The following CSMD1 variants were observed in gnomAD, a reference collection of about 807,000 sequenced individuals.
The protein encoded by CSMD1 is CUB and sushi domain-containing protein 1.
A neutral mutation model predicts 417.5 loss-of-function variants in CSMD1; 213 were observed. The observed-to-expected ratio is 0.51, with a 90% CI of 0.46 to 0.57. CSMD1 has a LOEUF of 0.57. Ranked by LOEUF, CSMD1 falls within the 20% of genes least tolerant of loss-of-function variation. The pLI is 0.00. For synonymous variants in CSMD1, 2,862 were observed against 1,736.8 expected, an observed-to-expected ratio of 1.65 and a Z score of -16.11; for missense variants, 6,923 against 4,529.7, an observed-to-expected ratio of 1.53 and a Z score of -15.17.
chr8:3,665,452 C>T (rs1798637641), intron 7 of CSMD1, among the ~76,000 whole-genome samples: 1 of 152,098 alleles, frequency 6.6e-6, no homozygotes, highest in African/African-American at 2.4e-5. Context: ...TTGCTTGAAC[C>T]CGGGAGACGG....
intron 3 of CSMD1, among the ~76,000 whole-genome samples, chr8:4,205,655 C>G (rs542144165): frequency 4.2e-4 from 64 of 152,266 alleles, no homozygotes; most frequent in African/African-American, 1.4e-3. Flanking sequence ...CTCATTGTAA[C>G]GGCTGTTGTG....
At chr8:4,322,215 G>C (rs1203124870) in intron 3 of CSMD1, among the ~76,000 whole-genome samples, 3 of 152,048 alleles carry the variant, frequency 2.0e-5, no homozygotes, top group African/African-American at 4.8e-5. Flanking sequence ...GTTCCATATA[G>C]ATAATTCACA....
chr8:4,003,220 C>G (rs1046439305), intron 4 of CSMD1, among the ~76,000 whole-genome samples: 3 of 151,846 alleles, frequency 2.0e-5, no homozygotes, highest in Admixed American at 1.3e-4. Flanking sequence ...GGTGAAACCC[C>G]CTCTCTACTA....
At chr8:4,045,385 C>T (rs1306945985) in intron 3 of CSMD1, among the ~76,000 whole-genome samples, 1 of 152,146 alleles carries the variant, frequency 6.6e-6, no homozygotes, top group South Asian at 2.1e-4. Flanking sequence ...TCATTTAAAA[C>T]AGTGCTACAT....
chr8:4,350,640 C>G (rs77815485), intron 3 of CSMD1, among the ~76,000 whole-genome samples: 1 of 152,108 alleles, frequency 6.6e-6, no homozygotes, highest in African/African-American at 2.4e-5. Flanking sequence ...TAGAGAATTG[C>G]GAGTTGACTC....
chr8:4,213,620 T>G (rs1368248928), intron 3 of CSMD1, among the ~76,000 whole-genome samples: 2 of 152,244 alleles, frequency 1.3e-5, no homozygotes, highest in Admixed American at 6.5e-5. Flanking sequence ...CTGTTTTTAA[T>G]GAATTTTAAA....
intron 3 of CSMD1, among the ~76,000 whole-genome samples, chr8:4,197,967 C>A (rs1171427821): frequency 2.0e-5 from 3 of 152,182 alleles, no homozygotes; most frequent in Non-Finnish European, 2.9e-5. Flanking sequence ...ATTGGCTTGA[C>A]TCTGGGAATA....
intron 1 of CSMD1, among the ~76,000 whole-genome samples, chr8:4,988,608 G>A (rs1215836140): frequency 6.6e-6 from 1 of 152,154 alleles, no homozygotes. Context: ...TAGAGTTGGT[G>A]GATGAGACAG....
intron 3 of CSMD1, among the ~76,000 whole-genome samples, chr8:4,232,708 A>C (rs1475809454): frequency 6.6e-6 from 1 of 152,246 alleles, no homozygotes. Context: ...TAAAAGTGTC[A>C]TGTCAAGCAT....
chr8:2,951,314 C>A, intron 65 of CSMD1, 39 bp from the exon 66 acceptor site: 2 of 1,559,658 alleles, frequency 1.3e-6, no homozygotes, highest in Non-Finnish European at 1.7e-6. Context: ...TCAGCACACA[C>A]ACAAACAATA....
intron 1 of CSMD1, among the ~76,000 whole-genome samples, chr8:4,836,565 G>C (rs1162548043): frequency 1.3e-5 from 2 of 152,184 alleles, no homozygotes; most frequent in East Asian, 3.8e-4. Context: ...GTTTGAACTT[G>C]AACTTTATGA....
intron 1 of CSMD1, among the ~76,000 whole-genome samples, chr8:4,739,133 C>T (rs576199249): frequency 3.4e-4 from 52 of 152,306 alleles, no homozygotes; most frequent in African/African-American, 1.3e-3. Flanking sequence ...TGTGAACATA[C>T]ACACACGCAT....
rs756538679 is a variant in CSMD1 at position 2,957,686 on chromosome 8, T to C, written c.9814+10A>G. On this transcript the variant is annotated intron_variant, in intron 63 of 69. Transcript: ENST00000635120. ...TGACTTGTGATGGGGGTGGAAGAAA[T>C]CACACTTACGTATACATTCGGTCTG... 7.8e-6 allele frequency: 12 copies of C among 1,533,312 alleles called. No homozygotes were observed. The highest frequency in any genetic ancestry group is 7.4e-5 in the Admixed American group (4 of 53,726). 95.0% of individuals were successfully genotyped at this position (1,533,312 alleles called of 1,614,324 possible).
In CSMD1 at chr8:3,188,871, G is replaced by A. The variant is rs1398617084; in HGVS notation, c.5523+16C>T. 5 of 1,547,460 alleles carry A rather than the reference G, an allele frequency of 3.2e-6. No homozygotes were observed. The highest frequency in any genetic ancestry group is 2.4e-5 in the East Asian group (1 of 41,058). ...CAGCTGAGCCCTGTTGTAGACTGTG[G>A]ACTTCAAGGACTCACCTGAATTCCC... On this transcript the variant is annotated intron_variant, in intron 35 of 69. Coordinates refer to ENST00000635120, the MANE Select transcript of CSMD1 (RefSeq NM_033225.6).
chr8:4,007,060 G>A (rs1057178509), intron 4 of CSMD1, among the ~76,000 whole-genome samples: 4 of 151,838 alleles, frequency 2.6e-5, no homozygotes, highest in Admixed American at 6.6e-5. Flanking sequence ...GGATGGTCTC[G>A]ATCTCCTCAC....
At chr8:3,440,215 G>C (rs561291911) in intron 12 of CSMD1, among the ~76,000 whole-genome samples, 1 of 116,402 alleles carries the variant, frequency 8.6e-6, no homozygotes, top group Non-Finnish European at 1.9e-5. Flanking sequence ...CTTATAACAG[G>C]TGCATTAAAC....
intron 1 of CSMD1, among the ~76,000 whole-genome samples, chr8:4,727,395 A>C (rs1326880799): frequency 6.6e-6 from 1 of 152,062 alleles, no homozygotes; most frequent in Non-Finnish European, 1.5e-5. Context: ...GCTTTGGAAA[A>C]CTCCATAAGT....
chr8:4,336,462 G>A (rs1031119403), intron 3 of CSMD1, among the ~76,000 whole-genome samples: 3 of 152,282 alleles, frequency 2.0e-5, no homozygotes, highest in African/African-American at 7.2e-5. Context: ...GCTATGTGTA[G>A]ATGTTTGAGC....
chr8:4,581,667 C>A (rs1799424110), intron 2 of CSMD1, among the ~76,000 whole-genome samples: 1 of 152,186 alleles, frequency 6.6e-6, no homozygotes, highest in South Asian at 2.1e-4. Context: ...TCATTTGAAT[C>A]TGTCTATGCT....
Sources: allele counts gnomAD v4.1 joint callset (sites outside exome capture counted in the v4.1 genomes callset), GRCh38; gene constraint gnomAD v4.1.1; transcripts MANE v1.5; gene names NCBI Gene and HGNC (gene_info 2026-07-23, HGNC 2026-07-21).